Variants in OXCT1 observed in about 807,000 individuals in gnomAD.
The protein encoded by OXCT1 is succinyl-CoA:3-ketoacid coenzyme A transferase 1, mitochondrial.
Under a neutral mutation model 69.6 loss-of-function variants are expected in OXCT1, and 27 were observed. The observed-to-expected ratio is 0.39, with a 90% CI of 0.29 to 0.54. The LOEUF (loss-of-function observed/expected upper bound fraction) is 0.54, where lower values mean the gene tolerates loss of function less well. OXCT1 is among the 20% of genes least tolerant of loss of function. OXCT1 has a pLI of 0.72. For missense variants in OXCT1, 437 were observed against 650.2 expected, an observed-to-expected ratio of 0.67 and a Z score of 3.57; for synonymous variants, 202 against 217.8, an observed-to-expected ratio of 0.93 and a Z score of 0.64.
intron 13 of OXCT1, among the ~76,000 whole-genome samples, chr5:41,771,379 C>G (rs1744864055): frequency 6.6e-6 from 1 of 152,176 alleles, no homozygotes; most frequent in South Asian, 2.1e-4. Context: ...AATGTATTTT[C>G]TCTTCTCAAG....
rs1744413519 is a variant in OXCT1, at chr5:41,762,849, T to G, written c.1249-649A>C. Among the ~76,000 whole-genome samples, 1 of 152,120 alleles carries G rather than the reference T, an allele frequency of 6.6e-6. No homozygotes were observed. Among genetic ancestry groups the G allele is most frequent in the South Asian group, 2.1e-4 (1 of 4,828 alleles). On this transcript the variant is annotated intron_variant, in intron 13 of 16. Transcript: ENST00000196371. The surrounding 1 kb of genome is among the most constrained non-coding windows in gnomAD (Gnocchi z 4.0). ...TATTTTTGATCATCTGGCCATCCCT[T>G]CATTCATTATACTTTTACCAACCAC...
At chr5:41,748,154 G>A (rs984897426) in intron 15 of OXCT1, among the ~76,000 whole-genome samples, 2 of 152,084 alleles carry the variant, frequency 1.3e-5, no homozygotes, top group African/African-American at 4.8e-5. Context: ...GGACCACTAT[G>A]AGAATAAATT....
At chr5:41,789,321 C>G (rs966077252) in intron 13 of OXCT1, among the ~76,000 whole-genome samples, 25 of 152,184 alleles carry the variant, frequency 1.6e-4, no homozygotes, top group Admixed American at 1.6e-3. Flanking sequence ...TTGGTACATG[C>G]AACACAGTTT....
At chr5:41,812,096 A>T (rs966105695) in intron 7 of OXCT1, among the ~76,000 whole-genome samples, 11 of 152,094 alleles carry the variant, frequency 7.2e-5, no homozygotes, top group East Asian at 5.8e-4. Flanking sequence ...ATCTTGCAGA[A>T]TAAAAACACT....
At chr5:41,745,601 G>A (rs1169121889) in intron 15 of OXCT1, among the ~76,000 whole-genome samples, 3 of 152,140 alleles carry the variant, frequency 2.0e-5, no homozygotes, top group African/African-American at 7.2e-5. Flanking sequence ...AAAAATCAGT[G>A]AATCCAGGAG....
At chr5:41,740,476 C>G (rs1260929995) in intron 15 of OXCT1, among the ~76,000 whole-genome samples, 1 of 152,124 alleles carries the variant, frequency 6.6e-6, no homozygotes, top group East Asian at 1.9e-4. Flanking sequence ...TGAAACATTC[C>G]ATCATTCTGG....
chr5:41,861,938 G>A (rs918961599), intron 2 of OXCT1, among the ~76,000 whole-genome samples: 2 of 152,086 alleles, frequency 1.3e-5, no homozygotes, highest in Non-Finnish European at 2.9e-5. Flanking sequence ...AGTTGGGTGT[G>A]GGTGGCTCAC....
At chr5:41,765,058 C>T (rs761422352) in intron 13 of OXCT1, among the ~76,000 whole-genome samples, 21 of 152,020 alleles carry the variant, frequency 1.4e-4, no homozygotes, top group Non-Finnish European at 2.6e-4. Context: ...GAAGAAAAGG[C>T]GTTCTATTTA....
chr5:41,732,170 A>G (rs771209788), intron 16 of OXCT1, among the ~76,000 whole-genome samples: 60 of 152,324 alleles, frequency 3.9e-4, no homozygotes, highest in Admixed American at 1.9e-3. Flanking sequence ...AAATAGATCC[A>G]GCCAATTCAT....
chr5:41,825,696 T>A (rs13360001), intron 7 of OXCT1, among the ~76,000 whole-genome samples: 58,885 of 151,874 alleles, frequency 0.39, 14,135 homozygotes, highest in African/African-American at 0.68. Context: ...AAAGAAGTCA[T>A]ATGGCTCTTG....
rs553188700 is a variant in OXCT1 at position 41,864,407 on chromosome 5, C to T, written c.79-1657G>A. On this transcript the variant is annotated intron_variant, in intron 1 of 16. Transcript: ENST00000196371. ...AAAATATGCCAGCACACTGCTCAAA[C>T]CCTGAGAAATAAGTCTAGGCAGAGA... is the stretch of plus-strand genomic sequence containing the variant. 1.4e-4 allele frequency among the ~76,000 whole-genome samples: 21 copies of T among 152,280 alleles called. No homozygotes were observed. In the East Asian group the frequency reaches 2.1e-3, roughly 15 times the overall value.
chr5:41,861,071 T>C (rs529235890), intron 3 of OXCT1, among the ~76,000 whole-genome samples: 4 of 152,272 alleles, frequency 2.6e-5, no homozygotes, highest in African/African-American at 7.2e-5. Flanking sequence ...CACATTAAGA[T>C]ATAAAGTCTT....
chr5:41,788,051 C>A (rs1745734477), intron 13 of OXCT1, among the ~76,000 whole-genome samples: 1 of 152,006 alleles, frequency 6.6e-6, no homozygotes, highest in East Asian at 1.9e-4. Context: ...GTGTTTAGAG[C>A]AAAAATAATA....
At chr5:41,777,530 C>T (rs568390984) in intron 13 of OXCT1, among the ~76,000 whole-genome samples, 86 of 152,294 alleles carry the variant, frequency 5.6e-4, no homozygotes, top group African/African-American at 1.9e-3. Flanking sequence ...GTAATCGAAT[C>T]CCCATAAAAG....
intron 4 of OXCT1, among the ~76,000 whole-genome samples, chr5:41,850,845 A>G (rs1206082821): frequency 6.6e-6 from 1 of 152,142 alleles, no homozygotes; most frequent in Admixed American, 6.5e-5. Flanking sequence ...AGTGATTTCA[A>G]GACTAGTTTC....
intron 13 of OXCT1, among the ~76,000 whole-genome samples, chr5:41,793,022 T>C (rs1425047907): frequency 6.6e-6 from 1 of 152,156 alleles, no homozygotes; most frequent in African/African-American, 2.4e-5. Flanking sequence ...AACTTAAACA[T>C]AACATTTCAG....
chr5:41,787,327 C>A (rs376702306), intron 13 of OXCT1, among the ~76,000 whole-genome samples: 2 of 151,998 alleles, frequency 1.3e-5, no homozygotes, highest in Non-Finnish European at 2.9e-5. Context: ...ACACACAGTA[C>A]GGGACTACCA....
At chr5:41,824,676 T>G (rs1165351073) in intron 7 of OXCT1, among the ~76,000 whole-genome samples, 1 of 152,212 alleles carries the variant, frequency 6.6e-6, no homozygotes, top group Admixed American at 6.5e-5. Flanking sequence ...TAGCAGAAGC[T>G]GAGTTATAAA....
chr5:41,847,370 A>G (rs1748966540), intron 5 of OXCT1, among the ~76,000 whole-genome samples: 1 of 152,196 alleles, frequency 6.6e-6, no homozygotes, highest in Non-Finnish European at 1.5e-5. Context: ...AACTGGTACC[A>G]TTCCTTCTTA....
Sources: gnomAD v4.1 joint callset for allele counts (sites outside exome capture counted in the v4.1 genomes callset) on GRCh38, gnomAD v4.1.1 for gene constraint, Gnocchi (gnomAD v3.1) non-coding constraint, MANE v1.5 for transcripts, NCBI Gene and HGNC (gene_info 2026-07-23, HGNC 2026-07-21) for gene names.